Variants in ABCC1 observed in about 807,000 individuals in gnomAD.
ABCC1 encodes the protein ATP binding cassette subfamily C member 1 (ABCC1 blood group), also known as multidrug resistance-associated protein 1.
In ABCC1, 83 loss-of-function variants were observed where a neutral mutation model predicts 172.9. The observed-to-expected ratio is 0.48, with a 90% CI of 0.40 to 0.58. ABCC1 has a LOEUF of 0.58. Among genes scored for constraint, ABCC1 ranks in the 20% least tolerant of loss-of-function variants. ABCC1 has a pLI of 0.00. For synonymous variants in ABCC1, 937 were observed against 825.2 expected, an observed-to-expected ratio of 1.14 and a Z score of -2.32; for missense variants, 1,817 against 2,002.7, an observed-to-expected ratio of 0.91 and a Z score of 1.77.
Position 16,048,204 on chromosome 16 carries a change from G to A in ABCC1, c.1281G>A (p.Met427Ile), listed in dbSNP as rs1387856757. 2 of 1,614,088 alleles carry A rather than the reference G, an allele frequency of 1.2e-6. No homozygotes were observed. Among genetic ancestry groups the A allele is most frequent in the Non-Finnish European group, 1.7e-6 (2 of 1,180,032 alleles). Residue 427 changes from methionine (M) to isoleucine (I), a missense_variant, in exon 10 of 31, where the codon ATG (methionine) becomes ATA (isoleucine). Physicochemically the swap from Met to Ile is conservative, Grantham distance 10. Transcript: ENST00000399410. The stretch of plus-strand genomic sequence containing the variant: ...CGGTCGGGGAGATTGTCAACCTCAT[G>A]TCTGTGGACGCTCAGAGGTTCATGG... Reference protein sequence around the residue: ...SSTVGEIVNLMSVDAQRFMDL... With the variant: ...SSTVGEIVNLISVDAQRFMDL...
At chr16:16,139,611 C>CTAAAAAA (rs2046053716) in intron 30 of ABCC1, among the ~76,000 whole-genome samples, 1 of 57,348 alleles carries the variant, frequency 1.7e-5, no homozygotes, top group African/African-American at 8.0e-5. Context: ...GACTCCATCT[C>CTAAAAAA]AAAAAAAAAA....
At chr16:16,043,962 A>G (rs1270425859) in intron 7 of ABCC1, among the ~76,000 whole-genome samples, 1 of 152,102 alleles carries the variant, frequency 6.6e-6, no homozygotes, top group Non-Finnish European at 1.5e-5. Flanking sequence ...CTTGATTCTT[A>G]TTTTTCATGA....
chr16:15,954,283 C>T (rs2045939681), intron 1 of ABCC1, among the ~76,000 whole-genome samples: 1 of 152,162 alleles, frequency 6.6e-6, no homozygotes, highest in African/African-American at 2.4e-5. Flanking sequence ...CCTGCCTCAG[C>T]CTCCCAAAGT....
intron 15 of ABCC1, among the ~76,000 whole-genome samples, chr16:16,078,713 C>G (rs1471006623): frequency 6.6e-6 from 1 of 152,182 alleles, no homozygotes; most frequent in Non-Finnish European, 1.5e-5. Context: ...GTCTCACGCT[C>G]TTGCCCAGAT....
chr16:16,083,614 A>C, intron 17 of ABCC1, 72 bp downstream of exon 17: 186 of 1,545,396 alleles, frequency 1.2e-4, no homozygotes, highest in Non-Finnish European at 1.6e-4. Context: ...TCACAATCTC[A>C]GTGGGCTGTG....
chr16:16,010,060 T>TTTTTTA (rs869032140), intron 3 of ABCC1, among the ~76,000 whole-genome samples, 159 bp downstream of exon 3: 5 of 139,908 alleles, frequency 3.6e-5, no homozygotes, highest in Admixed American at 7.3e-5. Context: ...TTTTTTTTTT[T>TTTTTTA]AAAGACATGA....
chr16:16,074,332 T>C (rs2050471390), intron 14 of ABCC1, among the ~76,000 whole-genome samples: 1 of 152,204 alleles, frequency 6.6e-6, no homozygotes, highest in South Asian at 2.1e-4. Context: ...CCAACACTCC[T>C]GGGCTGTGGT....
Position 16,042,541 on chromosome 16 carries a change from A to G in ABCC1, c.810-1909A>G, listed in dbSNP as rs537669892. Among the ~76,000 whole-genome samples the G allele has an allele frequency of 6.6e-5, 10 of 152,150 alleles. No homozygotes were observed. The East Asian group carries it at 1.9e-3, about 30-fold the overall frequency. On this transcript the variant is annotated intron_variant, in intron 7 of 30. Coordinates refer to ENST00000399410, the MANE Select transcript of ABCC1 (RefSeq NM_004996.4). ...AACATGGTGAAACCCTGTCTCTACT[A>G]AAAACATAAAAATTAGCTGGGTGTG...
chr16:16,051,639 G>A (rs1027074692), intron 10 of ABCC1, among the ~76,000 whole-genome samples: 1 of 152,138 alleles, frequency 6.6e-6, no homozygotes, highest in Non-Finnish European at 1.5e-5. Flanking sequence ...TGCCAACCAG[G>A]GAAGCTTGGT....
At chr16:16,040,919 G>A (rs573749624) in intron 7 of ABCC1, among the ~76,000 whole-genome samples, 1 of 151,980 alleles carries the variant, frequency 6.6e-6, no homozygotes, top group Non-Finnish European at 1.5e-5. Flanking sequence ...ACCGGGAGCC[G>A]CCATTGTATT....
At chr16:16,028,345 G>T (rs1337617327) in intron 5 of ABCC1, among the ~76,000 whole-genome samples, 3 of 152,152 alleles carry the variant, frequency 2.0e-5, no homozygotes, top group African/African-American at 7.2e-5. Context: ...GGGTCTCGCT[G>T]TCTCGTTTGC....
chr16:15,971,190 G>A (rs2046360545), intron 1 of ABCC1, among the ~76,000 whole-genome samples: 1 of 152,168 alleles, frequency 6.6e-6, no homozygotes, highest in Non-Finnish European at 1.5e-5. Context: ...ATTTGCATAG[G>A]CCTCAGGGGA....
chr16:15,991,375 G>A (rs907770254), intron 1 of ABCC1, among the ~76,000 whole-genome samples: 6 of 152,016 alleles, frequency 3.9e-5, no homozygotes, highest in Non-Finnish European at 7.4e-5. Flanking sequence ...AAAACAGAGC[G>A]CCACTCCAGA....
intron 19 of ABCC1, among the ~76,000 whole-genome samples, chr16:16,098,462 T>C (rs1163731253): frequency 6.6e-6 from 1 of 152,152 alleles, no homozygotes; most frequent in Non-Finnish European, 1.5e-5. Context: ...CTACTAAAAA[T>C]ACGAAAATTA....
At chr16:15,974,284 A>T (rs1203693739) in intron 1 of ABCC1, among the ~76,000 whole-genome samples, 1 of 152,168 alleles carries the variant, frequency 6.6e-6, no homozygotes, top group Non-Finnish European at 1.5e-5. Flanking sequence ...TGGCCTGGGC[A>T]TGGGCCTTGT....
chr16:15,962,701 C>T (rs530819000), intron 1 of ABCC1, among the ~76,000 whole-genome samples: 5 of 152,204 alleles, frequency 3.3e-5, no homozygotes, highest in Non-Finnish European at 5.9e-5. Context: ...CTTCTGAGGA[C>T]TCACTATCAG....
At chr16:16,068,983 G>A (rs1274222055) in intron 13 of ABCC1, among the ~76,000 whole-genome samples, 2 of 144,256 alleles carry the variant, frequency 1.4e-5, no homozygotes, top group South Asian at 2.2e-4. Context: ...CAAAAACTCC[G>A]TCTCAAAATT....
rs2046112544 is a variant in ABCC1 at position 16,141,165 on chromosome 16, T to C, written c.4488-8T>C. ...CTTCCCCTCATGTCTGTATCCCCTCTCCCTCAGGGTGATCGTCTTGGACAA... is the reference window on the plus strand; with the variant it reads ...CTTCCCCTCATGTCTGTATCCCCTCCCCCTCAGGGTGATCGTCTTGGACAA... On this transcript the variant is annotated splice_region_variant and splice_polypyrimidine_tract_variant and intron_variant, in intron 30 of 30. Transcript: ENST00000399410. 1 of 1,613,168 alleles carries C rather than the reference T, an allele frequency of 6.2e-7. No homozygotes were observed. The highest frequency in any genetic ancestry group is 8.5e-7 in the Non-Finnish European group (1 of 1,179,386).
intron 26 of ABCC1, among the ~76,000 whole-genome samples, chr16:16,129,456 C>G (rs2045585687): frequency 6.6e-6 from 1 of 151,960 alleles, no homozygotes. Flanking sequence ...TGAGACGATC[C>G]TGGGCAACAT....
Sources: allele counts gnomAD v4.1 joint callset (sites outside exome capture counted in the v4.1 genomes callset), GRCh38; gene constraint gnomAD v4.1.1; transcripts MANE v1.5; gene names NCBI Gene and HGNC (gene_info 2026-07-23, HGNC 2026-07-21).